The following CDH7 variants were observed in gnomAD, a reference collection of about 807,000 sequenced individuals.
CDH7 encodes the protein cadherin 7, also known as cadherin-7.
A neutral mutation model predicts 71.8 loss-of-function variants in CDH7; 25 were observed. The observed-to-expected ratio is 0.35, with a 90% CI of 0.25 to 0.49. CDH7 has a LOEUF of 0.49. Among genes scored for constraint, CDH7 ranks in the 20% least tolerant of loss-of-function variants. The pLI, the probability that CDH7 is intolerant of heterozygous loss-of-function variation, is 0.99. For synonymous variants in CDH7, 381 were observed against 363.8 expected (o/e 1.05, Z -0.54); for missense variants, 862 against 974.6 (o/e 0.88, Z 1.54).
At chr18:65,845,417 A>G (rs1340113613) in intron 7 of CDH7, among the ~76,000 whole-genome samples, 1 of 152,092 alleles carries the variant, frequency 6.6e-6, no homozygotes, top group African/African-American at 2.4e-5. Flanking sequence ...AATCACAAAT[A>G]TAGCAGATAG....
intron 2 of CDH7, among the ~76,000 whole-genome samples, chr18:65,794,080 A>G (rs888773450): frequency 2.6e-5 from 4 of 152,152 alleles, no homozygotes; most frequent in Non-Finnish European, 4.4e-5. Flanking sequence ...AGCACATACT[A>G]TCAATTATAA....
chr18:65,788,870 C>G (rs1439469404), intron 2 of CDH7, among the ~76,000 whole-genome samples: 2 of 152,178 alleles, frequency 1.3e-5, no homozygotes, highest in Non-Finnish European at 2.9e-5. Flanking sequence ...CTATAGCTAA[C>G]ACAGTTTGCC....
intron 10 of CDH7, among the ~76,000 whole-genome samples, chr18:65,860,798 T>A (rs554625305): frequency 6.6e-6 from 1 of 152,268 alleles, no homozygotes; most frequent in African/African-American, 2.4e-5. Flanking sequence ...ATCACCTTAT[T>A]TAGTGCAACC....
intron 11 of CDH7, among the ~76,000 whole-genome samples, chr18:65,868,692 T>G (rs1913838365): frequency 6.6e-6 from 1 of 152,200 alleles, no homozygotes; most frequent in African/African-American, 2.4e-5. Context: ...GAGTGTGTGT[T>G]AAATTTGAGG....
At chr18:65,847,424 G>A (rs1185937442) in intron 7 of CDH7, among the ~76,000 whole-genome samples, 1 of 152,158 alleles carries the variant, frequency 6.6e-6, no homozygotes. Context: ...GTATAATACT[G>A]AAATCTAGCA....
At chr18:65,840,140 C>T (rs1402541073) in intron 6 of CDH7, among the ~76,000 whole-genome samples, 1 of 152,174 alleles carries the variant, frequency 6.6e-6, no homozygotes, top group Non-Finnish European at 1.5e-5. Flanking sequence ...TGTTTGCAGA[C>T]CCTTGCTTTA....
chr18:65,795,782 G>A (rs966539915), intron 2 of CDH7, among the ~76,000 whole-genome samples: 3 of 152,128 alleles, frequency 2.0e-5, no homozygotes, highest in Non-Finnish European at 2.9e-5. Context: ...ATCTCATCTT[G>A]AATTGTAATC....
At chr18:65,799,016 CAAG>C (rs1409115060) in intron 2 of CDH7, among the ~76,000 whole-genome samples, 2 of 152,042 alleles carry the variant, frequency 1.3e-5, no homozygotes, top group African/African-American at 2.4e-5. Flanking sequence ...CTGGAATTCA[CAAG>C]AAGATTAGGA....
intron 2 of CDH7, among the ~76,000 whole-genome samples, chr18:65,788,387 T>G (rs1243803731): frequency 6.6e-6 from 1 of 152,156 alleles, no homozygotes; most frequent in Non-Finnish European, 1.5e-5. Context: ...CTACTCATCC[T>G]AAGTAACATA....
chr18:65,851,004 A>G lies in CDH7; in HGVS notation c.1236-6812A>G, dbSNP rs558155947. Reference sequence around the variant, plus strand: ...TTGTTTGTAGAGATGGGGCTTTGCCATGTTGCCTAGGCTGGTCTCTAAGTC... The same window carrying G: ...TTGTTTGTAGAGATGGGGCTTTGCCGTGTTGCCTAGGCTGGTCTCTAAGTC... On this transcript the variant is annotated intron_variant, in intron 7 of 11. Coordinates refer to ENST00000397968, the MANE Select transcript of CDH7 (RefSeq NM_004361.5). Among the ~76,000 whole-genome samples, 17 of 152,048 alleles carry G rather than the reference A, an allele frequency of 1.1e-4. No homozygotes were observed. In the East Asian group the frequency reaches 3.3e-3, roughly 30 times the overall value.
chr18:65,817,735 T>C (rs1021957446), intron 4 of CDH7, among the ~76,000 whole-genome samples: 2 of 152,336 alleles, frequency 1.3e-5, no homozygotes, highest in South Asian at 4.1e-4. Context: ...TCTTTCATAT[T>C]TGATTTACTG....
intron 11 of CDH7, among the ~76,000 whole-genome samples, chr18:65,873,321 A>G (rs1229815919): frequency 1.3e-5 from 2 of 152,216 alleles, no homozygotes; most frequent in African/African-American, 4.8e-5. Flanking sequence ...ATATGCAATT[A>G]GAGTATTCTG....
chr18:65,814,882 A>G (rs950769109), intron 4 of CDH7, among the ~76,000 whole-genome samples: 4 of 152,092 alleles, frequency 2.6e-5, no homozygotes, highest in Non-Finnish European at 5.9e-5. Flanking sequence ...TCGATTCTTT[A>G]CCTCAGAGCT....
chr18:65,835,926 G>C (rs1912517506), intron 6 of CDH7, among the ~76,000 whole-genome samples: 1 of 152,130 alleles, frequency 6.6e-6, no homozygotes, highest in South Asian at 2.1e-4. Context: ...CATTATCCTG[G>C]ATCACATAAT....
rs1351214983 is a variant in CDH7 at position 65,882,695 on chromosome 18, T to C, written c.*1801T>C. On this transcript the variant is annotated 3_prime_UTR_variant, in exon 12 of 12. Transcript: ENST00000397968. ...TTGTTTTATGACTATATAGATATGC[T>C]TCTTGCTGTATTAATATGCATATAT... is the stretch of plus-strand genomic sequence containing the variant. 1 of 152,132 alleles carries C rather than the reference T, an allele frequency of 6.6e-6. No individual in the cohort carries two copies. The allele number at this position is 152,132 out of a possible 1,614,324, so 9.4% of individuals were successfully genotyped here. A position where few individuals can be genotyped will look rare whatever the true frequency, so the allele number is the denominator to read the frequency against.
At chr18:65,833,103 A>T (rs990236525) in intron 6 of CDH7, among the ~76,000 whole-genome samples, 5 of 152,190 alleles carry the variant, frequency 3.3e-5, no homozygotes, top group Admixed American at 1.3e-4. Context: ...ATACCCTATG[A>T]AAGGCTGAAT....
At position 65,888,151 on chromosome 18, in the gene CDH7, T is replaced by A. The variant is rs1914419986; in HGVS notation, c.*7257T>A. ...AGTGCTATCTTTCAGGCAAATAGAC[T>A]CCTACAATATTCAGTATTGGAGATG... On this transcript the variant is annotated 3_prime_UTR_variant, in exon 12 of 12. Coordinates refer to ENST00000397968, the MANE Select transcript of CDH7 (RefSeq NM_004361.5). 6.6e-6 allele frequency: 1 copy of A among 152,150 alleles called. No homozygotes were observed. The highest frequency in any genetic ancestry group is 2.1e-4 in the South Asian group (1 of 4,828). The allele number at this position is 152,150 out of a possible 1,614,324, so 9.4% of individuals were successfully genotyped here.
At chr18:65,823,015 A>T (rs189127783) in intron 5 of CDH7, among the ~76,000 whole-genome samples, 178 of 151,982 alleles carry the variant, frequency 1.2e-3, no homozygotes, top group African/African-American at 4.1e-3. Context: ...TACAGACCAT[A>T]ATGTCTGTAC....
At chr18:65,863,258 G>T (rs1446417224) in intron 11 of CDH7, 1 of 275,476 alleles carries the variant, frequency 3.6e-6, no homozygotes, top group African/African-American at 2.1e-5. Context: ...GGCTGGTCTT[G>T]AACTCCTGAC....
Sources: allele counts gnomAD v4.1 joint callset (sites outside exome capture counted in the v4.1 genomes callset), GRCh38; gene constraint gnomAD v4.1.1; transcripts MANE v1.5; gene names NCBI Gene and HGNC (gene_info 2026-07-23, HGNC 2026-07-21).